The following SOX6 variants were observed in gnomAD, a reference collection of about 807,000 sequenced individuals.
The protein encoded by SOX6 is SRY-box transcription factor 6, also known as transcription factor SOX-6.
In SOX6, 11 loss-of-function variants were observed where a neutral mutation model predicts 97.8. The observed-to-expected ratio is 0.11, with a 90% CI of 0.07 to 0.19. The LOEUF (loss-of-function observed/expected upper bound fraction) is 0.19, where lower values mean the gene tolerates loss of function less well. Ranked by LOEUF, SOX6 falls within the 10% of genes least tolerant of loss-of-function variation. The probability of loss-of-function intolerance (pLI) is 1.00; values close to 1 mark genes in which losing one functional copy is unlikely to be tolerated. For synonymous variants in SOX6, 360 were observed against 371.4 expected (o/e 0.97, Z 0.35); for missense variants, 810 against 1,039.5 (o/e 0.78, Z 3.04).
At position 16,607,011 on chromosome 11, in the gene SOX6, C is replaced by T. The variant is rs189047778; in HGVS notation, n.609+5070G>A. On this transcript the variant is annotated intron_variant and non_coding_transcript_variant, in intron 4 of 5. Transcript: ENST00000524520. This position sits in a 1 kb window ranked among gnomAD's most constrained non-coding sequence, Gnocchi z 6.5. Reference sequence around the variant, plus strand: ...CGTCGGCCCCTCGGAGCGCCCTCCTCCCGCTCCTCCTCCTCCTTTCCCCTC... The same window carrying T: ...CGTCGGCCCCTCGGAGCGCCCTCCTTCCGCTCCTCCTCCTCCTTTCCCCTC... Among the ~76,000 whole-genome samples, 133 of 152,252 alleles carry T rather than the reference C, an allele frequency of 8.7e-4. No homozygotes were observed. Among genetic ancestry groups the T allele is most frequent in the Non-Finnish European group, 1.7e-3 (115 of 67,994 alleles).
chr11:16,429,910 C>T (rs950776083), intron 1 of SOX6, among the ~76,000 whole-genome samples: 1 of 152,170 alleles, frequency 6.6e-6, no homozygotes, highest in Non-Finnish European at 1.5e-5. Flanking sequence ...AATAAACAAA[C>T]AAGCTCTGCT....
chr11:16,055,380 C>A (rs1215360470), intron 10 of SOX6, among the ~76,000 whole-genome samples: 1 of 152,044 alleles, frequency 6.6e-6, no homozygotes, highest in African/African-American at 2.4e-5. Flanking sequence ...ATTCTCTGGT[C>A]CTATAAGTTA....
intron 9 of SOX6, among the ~76,000 whole-genome samples, chr11:16,058,775 G>C (rs1264642727): frequency 1.3e-5 from 2 of 151,968 alleles, no homozygotes; most frequent in African/African-American, 4.8e-5. Flanking sequence ...AGCTATGCCT[G>C]GTGTCCCAAG....
intron 2 of SOX6, among the ~76,000 whole-genome samples, chr11:16,728,264 C>T (rs1277871981): frequency 6.6e-6 from 1 of 152,210 alleles, no homozygotes; most frequent in East Asian, 1.9e-4. Flanking sequence ...GGGTCCCTGA[C>T]CCCAGTGCCT....
At chr11:16,222,419 G>T (rs1429831530) in intron 4 of SOX6, among the ~76,000 whole-genome samples, 1 of 151,962 alleles carries the variant, frequency 6.6e-6, no homozygotes, top group Non-Finnish European at 1.5e-5. Context: ...TTGCTATATT[G>T]CCCAGGCTGG....
intron 3 of SOX6, among the ~76,000 whole-genome samples, chr11:16,678,589 T>C (rs79776522): frequency 6.6e-6 from 1 of 152,096 alleles, no homozygotes; most frequent in Non-Finnish European, 1.5e-5. Context: ...GTTCATCTCA[T>C]TGAGACTGGT....
At chr11:16,511,503 GTTTTGTTTTTGT>G (rs910802698) in intron 4 of SOX6, among the ~76,000 whole-genome samples, 4 of 152,008 alleles carry the variant, frequency 2.6e-5, no homozygotes, top group South Asian at 2.1e-4. Flanking sequence ...GGCTTTACCT[GTTTTGTTTTTGT>G]TTTTGTTTTT....
rs186292950 is a variant in SOX6, at chr11:16,388,048, C to T, written c.-4-46796G>A. ...TGGGAAGAAAGCATTCACTATTTCA[C>T]CATCAAATATGATGTTAGTTGTAGG... On this transcript the variant is annotated intron_variant, in intron 1 of 15. Transcript: ENST00000396356. Among the ~76,000 whole-genome samples the T allele has an allele frequency of 2.4e-4, 36 of 152,220 alleles. No homozygotes were observed. In the East Asian group the frequency reaches 6.2e-3, roughly 26 times the overall value.
chr11:16,319,069 C>G (rs529180045), intron 2 of SOX6, among the ~76,000 whole-genome samples: 2 of 152,114 alleles, frequency 1.3e-5, no homozygotes, highest in Non-Finnish European at 2.9e-5. Flanking sequence ...ACTCTTCCCA[C>G]AACATAAAAA....
chr11:15,993,587 T>C (rs945612253), intron 13 of SOX6, among the ~76,000 whole-genome samples: 1 of 152,142 alleles, frequency 6.6e-6, no homozygotes, highest in Non-Finnish European at 1.5e-5. Flanking sequence ...AGCACCACAG[T>C]AGGCTTCAAG....
intron 4 of SOX6, among the ~76,000 whole-genome samples, chr11:16,219,492 G>A (rs565249601): frequency 1.3e-5 from 2 of 152,032 alleles, no homozygotes; most frequent in Admixed American, 1.3e-4. Flanking sequence ...GTATTTTAAT[G>A]CAGACATTTG....
chr11:16,196,693 G>C (rs149421772), intron 4 of SOX6, among the ~76,000 whole-genome samples: 13 of 151,860 alleles, frequency 8.6e-5, no homozygotes, highest in African/African-American at 3.1e-4. Context: ...TTCCCTCCAA[G>C]TTCACTGGTG....
intron 12 of SOX6, among the ~76,000 whole-genome samples, chr11:16,040,871 T>C (rs1017200179): frequency 1.3e-5 from 2 of 152,130 alleles, no homozygotes; most frequent in African/African-American, 2.4e-5. Context: ...TGTAATAATA[T>C]ATTTGGAGCA....
At chr11:16,152,388 T>C (rs1184286104) in intron 6 of SOX6, among the ~76,000 whole-genome samples, 1 of 152,176 alleles carries the variant, frequency 6.6e-6, no homozygotes, top group Non-Finnish European at 1.5e-5. Context: ...TGGAGATCAC[T>C]GAAACCCAGA....
intron 1 of SOX6, among the ~76,000 whole-genome samples, chr11:16,435,082 A>G (rs1859348849): frequency 6.6e-6 from 1 of 152,164 alleles, no homozygotes; most frequent in Admixed American, 6.5e-5. Context: ...CTGCCAATGA[A>G]ATTGCAGGTA....
intron 3 of SOX6, among the ~76,000 whole-genome samples, chr11:16,290,893 G>A (rs1854890834): frequency 2.0e-5 from 3 of 151,992 alleles, no homozygotes; most frequent in African/African-American, 7.2e-5. Context: ...ATATGCAAAT[G>A]TGCTTGTTCA....
chr11:16,583,640 C>CATATATATATATATATAT (rs1342015213), intron 4 of SOX6, among the ~76,000 whole-genome samples: 24 of 92,772 alleles, frequency 2.6e-4, no homozygotes, highest in Non-Finnish European at 4.7e-4. Flanking sequence ...TATATATACA[C>CATATATATATATATATAT]ATACACACAC....
chr11:16,642,440 T>C (rs1322446998), intron 3 of SOX6, among the ~76,000 whole-genome samples: 1 of 152,214 alleles, frequency 6.6e-6, no homozygotes, highest in Admixed American at 6.5e-5. Flanking sequence ...GTTCTCTGTA[T>C]TTCCTGAATT....
chr11:16,184,650 C>A (rs1177462806), intron 5 of SOX6, among the ~76,000 whole-genome samples: 1 of 152,114 alleles, frequency 6.6e-6, no homozygotes, highest in Non-Finnish European at 1.5e-5. Flanking sequence ...CATCTAAACA[C>A]ATTATCTGGT....
Sources: allele counts gnomAD v4.1 joint callset (sites outside exome capture counted in the v4.1 genomes callset), GRCh38; gene constraint gnomAD v4.1.1; non-coding constraint Gnocchi (gnomAD v3.1); transcripts MANE v1.5; gene names NCBI Gene and HGNC (gene_info 2026-07-23, HGNC 2026-07-21).